TRPM1: variants seen among roughly 807,000 people sequenced by gnomAD.
The protein encoded by TRPM1 is TRPM1-203 APA Isoform, Intron 10.
A neutral mutation model predicts 149.4 loss-of-function variants in TRPM1; 113 were observed. The observed-to-expected ratio is 0.76, with a 90% CI of 0.65 to 0.88. The LOEUF (loss-of-function observed/expected upper bound fraction) is 0.88, where lower values mean the gene tolerates loss of function less well. Ranked by LOEUF, TRPM1 falls within the 40% of genes least tolerant of loss-of-function variation. The probability of loss-of-function intolerance (pLI) is 0.00; values close to 1 mark genes in which losing one functional copy is unlikely to be tolerated. For synonymous variants in TRPM1, 741 were observed against 759.5 expected, an observed-to-expected ratio of 0.98 and a Z score of 0.40; for missense variants, 1,976 against 2,038.7, an observed-to-expected ratio of 0.97 and a Z score of 0.59.
intron 1 of TRPM1, among the ~76,000 whole-genome samples, chr15:31,160,331 T>C (rs1201440513): frequency 6.6e-6 from 1 of 152,102 alleles, no homozygotes; most frequent in East Asian, 1.9e-4. Context: ...GGAGAGGCCG[T>C]TCCCCACAGC....
Position 31,032,801 on chromosome 15 carries a change from C to T in TRPM1, c.2840G>A (p.Gly947Asp). Reference protein sequence around the residue: ...ILRLQNQPYMGYGRVIYCVDI... With the variant: ...ILRLQNQPYMDYGRVIYCVDI... ...CACACAGTAGATCACCCGGCCATAG[C>T]CCATGTAGGGCTGGTTCTGTAGGCG... is the stretch of plus-strand genomic sequence containing the variant. The change falls in exon 22 of 28, where the codon GGC becomes GAC. Residue 947 changes from glycine to aspartate, a missense_variant. By Grantham distance (94) the Gly-to-Asp change is moderately conservative. This residue lies in a region of TRPM1 where 1,332 missense variants were observed against 1,347.1 expected (regional missense o/e 0.99). Coordinates refer to ENST00000256552, the MANE Select transcript of TRPM1 (RefSeq NM_001252024.2). 6.2e-7 allele frequency: 1 copy of T among 1,614,164 alleles called. No individual in the cohort carries two copies. Among genetic ancestry groups the T allele is most frequent in the South Asian group, 1.1e-5 (1 of 91,072 alleles).
chr15:31,040,065 G>A lies in TRPM1; in HGVS notation c.2316+53C>T, dbSNP rs546196362. On this transcript the variant is annotated intron_variant, in intron 18 of 27. Coordinates refer to ENST00000256552, the MANE Select transcript of TRPM1 (RefSeq NM_001252024.2). The surrounding 1 kb of genome is among the most constrained non-coding windows in gnomAD (Gnocchi z 4.2). ...AGAAAGTGCTCAGTTCAGCCTGGCA[G>A]AGAGTCACTTGTCACTGTCACCCTG... The A allele has an allele frequency of 1.6e-4, 243 of 1,523,880 alleles. 6 individuals carry two copies. In the South Asian group the frequency reaches 2.7e-3, roughly 17 times the overall value. 94.4% of individuals were successfully genotyped at this position (1,523,880 alleles called of 1,614,324 possible). A position where few individuals can be genotyped will look rare whatever the true frequency, so the allele number is the denominator to read the frequency against.
chr15:31,061,296 C>T (rs1184614267), intron 10 of TRPM1, 146 bp downstream of exon 10: 91 of 767,974 alleles, frequency 1.2e-4, no homozygotes, highest in East Asian at 1.3e-4. Flanking sequence ...GTCATTCTGC[C>T]GTGGCTTCAT....
chr15:31,018,979 A>T (rs1232641106), intron 27 of TRPM1, among the ~76,000 whole-genome samples: 5 of 152,210 alleles, frequency 3.3e-5, no homozygotes, highest in African/African-American at 4.8e-5. Flanking sequence ...ATATGCAGTT[A>T]TCTTTTCATG....
At chr15:31,119,026 G>C (rs35572544) in intron 1 of TRPM1, among the ~76,000 whole-genome samples, 19,850 of 151,986 alleles carry the variant, frequency 0.13, 1,725 homozygotes, top group Non-Finnish European at 0.18. Context: ...GATCACCTGA[G>C]GTCAGGAGTT....
chr15:31,042,160 G>C lies in TRPM1; in HGVS notation c.1878C>G (p.Ala626=). The change falls in exon 17 of 28, where the codon GCC becomes GCG. Residue 626 remains alanine (A), a synonymous_variant. Coordinates refer to ENST00000256552, the MANE Select transcript of TRPM1 (RefSeq NM_001252024.2). ...EEIDIDVDDP[A]VSRFQYPFHE... ...GGAAGGGATACTGGAACCGACTCAC[G>C]GCAGGGTCGTCCACATCAATGTCGA... 6.2e-7 allele frequency: 1 copy of C among 1,614,098 alleles called. No individual in the cohort carries two copies. The highest frequency in any genetic ancestry group is 8.5e-7 in the Non-Finnish European group (1 of 1,180,004).
intron 21 of TRPM1, among the ~76,000 whole-genome samples, chr15:31,035,097 A>G (rs1054828494): frequency 5.9e-5 from 9 of 152,158 alleles, no homozygotes; most frequent in African/African-American, 1.9e-4. Context: ...CTCTGCCTCC[A>G]GGGTTCAAGT....
chr15:31,060,232 G>A (rs1238738003), intron 11 of TRPM1: 2 of 437,464 alleles, frequency 4.6e-6, no homozygotes, highest in Non-Finnish European at 4.2e-6. Flanking sequence ...TGGAAGCATT[G>A]CATTAAATTT....
chr15:31,159,112 C>T (rs2036413861), intron 1 of TRPM1, among the ~76,000 whole-genome samples: 1 of 152,120 alleles, frequency 6.6e-6, no homozygotes, highest in African/African-American at 2.4e-5. Context: ...TCACCTTCGT[C>T]CTTGGGCTTG....
At chr15:31,160,510 C>G (rs76725137) in intron 1 of TRPM1, among the ~76,000 whole-genome samples, 3 of 152,180 alleles carry the variant, frequency 2.0e-5, no homozygotes, top group African/African-American at 7.2e-5. Flanking sequence ...ACACAAACAT[C>G]TGATGCAGAA....
At position 31,112,922 on chromosome 15, in the gene TRPM1, C is replaced by A. The variant is rs143095307; in HGVS notation, c.55-35938G>T. On this transcript the variant is annotated intron_variant, in intron 1 of 26. Coordinates refer to the TRPM1 transcript ENST00000542188. Reference sequence around the variant, plus strand: ...TAGGATCTTTTTTCTTCTGAAATACCTCTTAATATTTCACATAACGAAAGT... The same window carrying A: ...TAGGATCTTTTTTCTTCTGAAATACATCTTAATATTTCACATAACGAAAGT... Among the ~76,000 whole-genome samples, 429 of 152,248 alleles carry A rather than the reference C, an allele frequency of 2.8e-3. 7 individuals carry two copies. Among genetic ancestry groups the A allele is most frequent in the African/African-American group, 9.8e-3 (407 of 41,534 alleles).
In TRPM1 at chr15:31,063,212, G is replaced by C. The variant is rs1596029980; in HGVS notation, c.871C>G (p.Gln291Glu). ...NVVSIVLEYL[Q>E]EEPPIPVVIC... ...ACCACAGGGATGGGAGGCTCTTCTT[G>C]CAGGTATTCCAAGACGATGGACACC... Residue 291 changes from glutamine to glutamate, a missense_variant, in exon 8 of 28, where the codon CAA becomes GAA. Gln to Glu is a conservative substitution (Grantham distance 29, BLOSUM62 2). This residue lies in a region of TRPM1 where 1,332 missense variants were observed against 1,347.1 expected (regional missense o/e 0.99). Transcript: ENST00000256552. The C allele has an allele frequency of 1.9e-6, 3 of 1,614,138 alleles. No individual in the cohort carries two copies. The East Asian group carries it at 6.7e-5, about 36-fold the overall frequency.
chr15:31,113,514 C>T (rs973800096), intron 1 of TRPM1, among the ~76,000 whole-genome samples: 36 of 151,858 alleles, frequency 2.4e-4, no homozygotes, highest in African/African-American at 8.5e-4. Flanking sequence ...GAGAATTTTC[C>T]AAACTGTCAA....
intron 16 of TRPM1, among the ~76,000 whole-genome samples, chr15:31,044,369 C>A (rs977435668): frequency 6.6e-6 from 1 of 151,956 alleles, no homozygotes; most frequent in Non-Finnish European, 1.5e-5. Context: ...TAAAAGCAGA[C>A]ATTAATAAAA....
At chr15:31,127,334 A>G (rs935014925) in intron 1 of TRPM1, among the ~76,000 whole-genome samples, 11 of 152,208 alleles carry the variant, frequency 7.2e-5, no homozygotes, top group African/African-American at 2.7e-4. Context: ...AAGGCCTACC[A>G]GTCCCCAGGG....
chr15:31,083,652 C>T (rs1229790978), intron 1 of TRPM1, among the ~76,000 whole-genome samples: 1 of 152,214 alleles, frequency 6.6e-6, no homozygotes, highest in Admixed American at 6.5e-5. Flanking sequence ...CTCCTTCCTG[C>T]TCCACCCTCC....
intron 3 of TRPM1, among the ~76,000 whole-genome samples, chr15:31,074,998 G>T (rs2140974403): frequency 6.6e-6 from 1 of 151,916 alleles, no homozygotes; most frequent in South Asian, 2.1e-4. Context: ...CCTCCTATTG[G>T]TTTCTTATTT....
At chr15:31,087,557 A>G (rs2035038745) in intron 1 of TRPM1, among the ~76,000 whole-genome samples, 1 of 152,040 alleles carries the variant, frequency 6.6e-6, no homozygotes, top group Admixed American at 6.6e-5. Flanking sequence ...CCCGGCCTCA[A>G]TAGGGACTTT....
Position 31,031,054 on chromosome 15 carries a change from T to C in TRPM1, c.3056A>G (p.Lys1019Arg). The C allele has an allele frequency of 6.2e-7, 1 of 1,614,178 alleles. No homozygotes were observed. Among genetic ancestry groups the C allele is most frequent in the South Asian group, 1.1e-5 (1 of 91,080 alleles). The change falls in exon 23 of 28, where the codon AAA (lysine) becomes AGA (arginine). Residue 1019 changes from lysine to arginine, a missense_variant. Lys to Arg is a conservative substitution (Grantham distance 26). Transcript: ENST00000256552. ...CATGTAGAAGATGTTTCGGGCCAGT[T>C]TCCAAGAGGGCTTCTCCTCTGGATG... ...ILHPEEKPSW[K>R]LARNIFYMPY... is the part of the protein sequence containing the mutation.
Sources: allele counts gnomAD v4.1 joint callset (sites outside exome capture counted in the v4.1 genomes callset), GRCh38; gene constraint gnomAD v4.1.1; regional missense constraint gnomAD v4.1.1; non-coding constraint Gnocchi (gnomAD v3.1); transcripts MANE v1.5; gene names NCBI Gene and HGNC (gene_info 2026-07-23, HGNC 2026-07-21).